Variants in BAZ1B observed in about 807,000 individuals in gnomAD.
BAZ1B encodes bromodomain adjacent to zinc finger domain 1B.
In BAZ1B, 22 loss-of-function variants were observed where a neutral mutation model predicts 153.8. The ratio of observed to expected loss-of-function variants is 0.14; its 90% CI spans 0.10 to 0.20. The LOEUF is 0.20. Ranked by LOEUF, BAZ1B falls within the 10% of genes least tolerant of loss-of-function variation. BAZ1B has a pLI of 1.00. For missense variants in BAZ1B, 1,325 were observed against 1,799.3 expected (o/e 0.74, Z 4.77); for synonymous variants, 676 against 633.4 (o/e 1.07, Z -1.01).
intron 5 of BAZ1B, among the ~76,000 whole-genome samples, chr7:73,491,154 C>G (rs187572785): frequency 1.3e-5 from 2 of 151,760 alleles, no homozygotes; most frequent in Admixed American, 1.3e-4. Context: ...GGCACGGTGG[C>G]GGGCACCTGT....
intron 6 of BAZ1B, among the ~76,000 whole-genome samples, chr7:73,484,084 G>T (rs916137008): frequency 1.3e-5 from 2 of 152,258 alleles, no homozygotes; most frequent in Admixed American, 6.5e-5. Flanking sequence ...TGGCCAACAT[G>T]GTGAAACCCC....
At chr7:73,498,883 G>A (rs1790019549) in intron 3 of BAZ1B, among the ~76,000 whole-genome samples, 185 bp from the exon 4 acceptor site, 1 of 152,006 alleles carries the variant, frequency 6.6e-6, no homozygotes, top group African/African-American at 2.4e-5. Flanking sequence ...AAATATGACA[G>A]CCTAAAAAAA....
rs782693672 is a variant in BAZ1B at position 73,444,109 on chromosome 7, G to A, written c.3865C>T (p.Arg1289Trp). The A allele has an allele frequency of 4.9e-5, 79 of 1,604,274 alleles. No individual in the cohort carries two copies. The highest frequency in any genetic ancestry group is 6.0e-5 in the Non-Finnish European group (71 of 1,176,306). The change falls in exon 17 of 20, where the codon CGG becomes TGG. Residue 1289 changes from arginine to tryptophan, a missense_variant. By Grantham distance (101) the Arg-to-Trp change is moderately radical. Around this residue, in one of 9 missense-constraint regions of BAZ1B, gnomAD observed 271 missense variants for 337.2 expected, o/e 0.80. Coordinates refer to ENST00000339594, the MANE Select transcript of BAZ1B (RefSeq NM_032408.4). ...GLRLRPRKTI[R>W]GKHSVIPPAA... ...GGGGGGATGACGCTGTGCTTGCCCC[G>A]GATGGTCTTTCGAGGTCTCACTGAA...
intron 6 of BAZ1B, among the ~76,000 whole-genome samples, chr7:73,481,072 G>A (rs929025543): frequency 6.6e-6 from 1 of 152,042 alleles, no homozygotes; most frequent in Non-Finnish European, 1.5e-5. Flanking sequence ...GATTACAGGT[G>A]TGCGCCACCA....
At chr7:73,465,406 T>C in intron 11 of BAZ1B, 33 bp downstream of exon 11, 1 of 1,384,834 alleles carries the variant, frequency 7.2e-7, no homozygotes, top group Non-Finnish European at 9.9e-7. Context: ...TAAAGAGAAG[T>C]AAGATGTGAG....
chr7:73,455,024 C>T (rs1433924385), intron 13 of BAZ1B, among the ~76,000 whole-genome samples: 1 of 151,272 alleles, frequency 6.6e-6, no homozygotes, highest in Non-Finnish European at 1.5e-5. Flanking sequence ...CCACCACACT[C>T]GGGGTGTGTG....
chr7:73,488,893 C>T (rs1789525663), intron 6 of BAZ1B, among the ~76,000 whole-genome samples: 1 of 152,032 alleles, frequency 6.6e-6, no homozygotes, highest in Admixed American at 6.6e-5. Flanking sequence ...TAACAAAATA[C>T]TTTTTATATT....
chr7:73,512,028 CAAAAAAA>C (rs1168749967), intron 1 of BAZ1B, among the ~76,000 whole-genome samples: 33 of 34,744 alleles, frequency 9.5e-4, no homozygotes, highest in South Asian at 5.7e-3. Context: ...AACTCCACCT[CAAAAAAA>C]AAAAAAAAAA....
At chr7:73,505,427 T>C (rs1790298202) in intron 3 of BAZ1B, among the ~76,000 whole-genome samples, 1 of 152,156 alleles carries the variant, frequency 6.6e-6, no homozygotes, top group Admixed American at 6.5e-5. Flanking sequence ...ATCTAAGACT[T>C]ACTACATGAG....
chr7:73,521,757 T>C, intron 1 of BAZ1B, 70 bp downstream of exon 1: 1 of 1,316,736 alleles, frequency 7.6e-7, no homozygotes, highest in Non-Finnish European at 1.0e-6. Context: ...GCTGACCTGG[T>C]CTCGCGAGCC....
chr7:73,442,150 C>A, intron 19 of BAZ1B, 31 bp downstream of exon 19: 1 of 880,684 alleles, frequency 1.1e-6, no homozygotes, highest in Non-Finnish European at 1.8e-6. Flanking sequence ...TCCCACCCTC[C>A]CTAGCTGTCC....
At position 73,478,130 on chromosome 7, in the gene BAZ1B, G is replaced by A. The variant is rs1278131730; in HGVS notation, c.1331C>T (p.Ala444Val). The A allele has an allele frequency of 6.2e-7, 1 of 1,614,144 alleles. No homozygotes were observed. Among genetic ancestry groups the A allele is most frequent in the Non-Finnish European group, 8.5e-7 (1 of 1,180,044 alleles). ...KMKQMTLLDM[A>V]KGTQKMTRAP... ...TCGTGTCATCTTCTGCGTGCCTTTG[G>A]CCATATCCAACAAAGTCATCTGCTT... Residue 444 changes from alanine to valine, a missense_variant, in exon 7 of 20, where the codon GCC (alanine) becomes GTC (valine). Ala to Val is a moderately conservative substitution (Grantham distance 64). Coordinates refer to ENST00000339594, the MANE Select transcript of BAZ1B (RefSeq NM_032408.4).
At chr7:73,502,184 T>C (rs1332717761) in intron 3 of BAZ1B, among the ~76,000 whole-genome samples, 1 of 151,920 alleles carries the variant, frequency 6.6e-6, no homozygotes, top group Admixed American at 6.6e-5. Flanking sequence ...CCACCGCACC[T>C]GGCCTCATCA....
intron 1 of BAZ1B, among the ~76,000 whole-genome samples, chr7:73,512,436 G>A (rs1237790027): frequency 6.6e-6 from 1 of 151,998 alleles, no homozygotes; most frequent in Non-Finnish European, 1.5e-5. Flanking sequence ...ATACTTAGAA[G>A]TATTCCGGAA....
intron 3 of BAZ1B, 119 bp from the exon 4 acceptor site, chr7:73,498,817 A>G (rs1021059066): frequency 3.5e-6 from 3 of 848,238 alleles, no homozygotes; most frequent in Middle Eastern, 3.5e-4. Context: ...TTGAAACAGT[A>G]AAGTATCCAA....
At chr7:73,480,755 A>T (rs1789168156) in intron 6 of BAZ1B, among the ~76,000 whole-genome samples, 2 of 152,174 alleles carry the variant, frequency 1.3e-5, no homozygotes, top group Non-Finnish European at 2.9e-5. Flanking sequence ...GCAAGAAAAC[A>T]GCTAAGGATT....
chr7:73,499,617 G>A (rs782333507), intron 3 of BAZ1B, among the ~76,000 whole-genome samples: 2 of 152,156 alleles, frequency 1.3e-5, no homozygotes, highest in Non-Finnish European at 1.5e-5. Context: ...CAGGAAGATC[G>A]CTTGAGCCCA....
chr7:73,477,961 G>A lies in BAZ1B; in HGVS notation c.1500C>T (p.Ser500=). The A allele has an allele frequency of 6.2e-7, 1 of 1,614,108 alleles. No homozygotes were observed. The highest frequency in any genetic ancestry group is 1.7e-5 in the Admixed American group (1 of 59,990). The change falls in exon 7 of 20, where the codon TCC becomes TCT. Residue 500 remains serine, a synonymous_variant. Coordinates refer to ENST00000339594, the MANE Select transcript of BAZ1B (RefSeq NM_032408.4). This position sits in a 1 kb window ranked among gnomAD's most constrained non-coding sequence, Gnocchi z 5.6. ...DKRSALSCVI[S]KTARLLSSED... The stretch of plus-strand genomic sequence containing the variant: ...CACTAGAGAGAAGACGAGCTGTTTT[G>A]GAGATAACACAGGACAGGGCGCTCC...
chr7:73,446,042 A>G (rs1268512599), intron 16 of BAZ1B, among the ~76,000 whole-genome samples: 1 of 152,200 alleles, frequency 6.6e-6, no homozygotes, highest in Non-Finnish European at 1.5e-5. Context: ...GTGAGAGCTT[A>G]AGGTGTCCCA....
Sources: allele counts gnomAD v4.1 joint callset (sites outside exome capture counted in the v4.1 genomes callset), GRCh38; gene constraint gnomAD v4.1.1; regional missense constraint gnomAD v4.1.1; non-coding constraint Gnocchi (gnomAD v3.1); transcripts MANE v1.5; gene names NCBI Gene and HGNC (gene_info 2026-07-23, HGNC 2026-07-21).